The following COL22A1 variants were observed in gnomAD, a reference collection of about 807,000 sequenced individuals.
COL22A1 encodes the protein collagen alpha-1(XXII) chain.
In COL22A1, 221 loss-of-function variants were observed where a neutral mutation model predicts 248.9. That is an observed-to-expected ratio of 0.89 (90% CI 0.80 to 0.99). The LOEUF is 0.99. Ranked by LOEUF, COL22A1 falls within the 50% of genes least tolerant of loss-of-function variation. COL22A1 has a pLI of 0.00. For missense variants in COL22A1, 2,240 were observed against 2,179.0 expected (o/e 1.03, Z -0.56); for synonymous variants, 891 against 793.4 (o/e 1.12, Z -2.07).
chr8:138,902,739 T>TATATACACACACACACACACAC (rs763466994), intron 1 of COL22A1, among the ~76,000 whole-genome samples: 2 of 93,884 alleles, frequency 2.1e-5, no homozygotes, highest in African/African-American at 9.1e-5. Flanking sequence ...TATATATATA[T>TATATACACACACACACACACAC]ACACACACAC....
intron 16 of COL22A1, among the ~76,000 whole-genome samples, chr8:138,770,845 G>A (rs13340635): frequency 0.011 from 1,626 of 152,214 alleles, 20 homozygotes; most frequent in African/African-American, 0.035. Flanking sequence ...ACCTTCAGAG[G>A]TGCGGGCTCA....
intron 2 of COL22A1, among the ~76,000 whole-genome samples, chr8:138,882,364 TCA>T (rs964777224): frequency 5.4e-5 from 8 of 149,298 alleles, no homozygotes; most frequent in South Asian, 2.1e-4. Context: ...TCCCTTAAAC[TCA>T]CACACTCTCA....
intron 3 of COL22A1, among the ~76,000 whole-genome samples, chr8:138,852,157 G>C (rs1039032489): frequency 3.3e-5 from 5 of 152,134 alleles, no homozygotes; most frequent in African/African-American, 1.2e-4. Context: ...GTGAGATGAG[G>C]TAGAAGTGGC....
At chr8:138,752,429 G>T (rs1273822295) in intron 21 of COL22A1, among the ~76,000 whole-genome samples, 1 of 152,194 alleles carries the variant, frequency 6.6e-6, no homozygotes, top group Admixed American at 6.5e-5. Flanking sequence ...TACATCAAAG[G>T]TCCTTTCTCT....
intron 16 of COL22A1, among the ~76,000 whole-genome samples, chr8:138,773,778 A>G (rs1834590468): frequency 6.6e-6 from 1 of 152,182 alleles, no homozygotes; most frequent in Non-Finnish European, 1.5e-5. Context: ...TCCACCTCTG[A>G]CTGCACCCTC....
chr8:138,740,640 G>A (rs1784530530), intron 22 of COL22A1, among the ~76,000 whole-genome samples: 1 of 152,182 alleles, frequency 6.6e-6, no homozygotes, highest in African/African-American at 2.4e-5. Flanking sequence ...CAAGTAGGAG[G>A]CGCGTGGTAG....
rs1821919100 is a variant in COL22A1 at position 138,855,059 on chromosome 8, C to G, written c.659-10901G>C. ...CTTGCTGTGTGACCTTGCATGGCCT[C>G]CAGCATCCTTCTGAGTCTCAGCTTC... On this transcript the variant is annotated intron_variant, in intron 3 of 64. Coordinates refer to ENST00000303045, the MANE Select transcript of COL22A1 (RefSeq NM_152888.3). Among the ~76,000 whole-genome samples, 3 of 152,100 alleles carry G rather than the reference C, an allele frequency of 2.0e-5. No individual in the cohort carries two copies. The South Asian group carries it at 6.2e-4, about 32-fold the overall frequency.
intron 23 of COL22A1, among the ~76,000 whole-genome samples, chr8:138,729,933 C>T (rs1022443849): frequency 6.6e-6 from 1 of 152,156 alleles, no homozygotes; most frequent in Non-Finnish European, 1.5e-5. Context: ...TCTGACACAG[C>T]CTCAGGCCAG....
At chr8:138,636,431 A>T (rs1173700170) in intron 48 of COL22A1, among the ~76,000 whole-genome samples, 2 of 149,466 alleles carry the variant, frequency 1.3e-5, no homozygotes, top group African/African-American at 2.5e-5. Context: ...CATTTCAGTG[A>T]AAAAAAAAGT....
intron 16 of COL22A1, among the ~76,000 whole-genome samples, chr8:138,775,646 G>C (rs1814373614): frequency 6.6e-6 from 1 of 152,144 alleles, no homozygotes; most frequent in Non-Finnish European, 1.5e-5. Flanking sequence ...CTGGGACTTT[G>C]GAGTCCAATC....
At chr8:138,593,644 G>C (rs1564072677) in intron 63 of COL22A1, among the ~76,000 whole-genome samples, 5 of 152,060 alleles carry the variant, frequency 3.3e-5, no homozygotes, top group African/African-American at 4.8e-5. Flanking sequence ...CAGCTGTTTT[G>C]TTCCAATTTT....
rs778102065 is a variant in COL22A1, at chr8:138,877,957, C to T, written c.451G>A (p.Asp151Asn). The change falls in exon 3 of 65, where the codon GAC becomes AAC. Residue 151 changes from aspartate to asparagine, a missense_variant. Physicochemically the swap from Asp to Asn is conservative, Grantham distance 23. Transcript: ENST00000303045. The part of the protein sequence containing the change: ...AYKQVAILLT[D>N]GRSQDLVLDA... ...AGCACCAGGTCCTGGCTGCGGCCGTCGGTGAGCAGGATGGCCACCTGCTTG... is the reference window on the plus strand; with the variant it reads ...AGCACCAGGTCCTGGCTGCGGCCGTTGGTGAGCAGGATGGCCACCTGCTTG... The T allele has an allele frequency of 5.0e-6, 8 of 1,594,496 alleles. No individual in the cohort carries two copies. Among genetic ancestry groups the T allele is most frequent in the Non-Finnish European group, 6.8e-6 (8 of 1,170,322 alleles).
At chr8:138,810,620 G>A (rs999408998) in intron 9 of COL22A1, among the ~76,000 whole-genome samples, 2 of 152,160 alleles carry the variant, frequency 1.3e-5, no homozygotes, top group African/African-American at 4.8e-5. Flanking sequence ...TGGGCCTCCA[G>A]CAAGGGAGGC....
intron 18 of COL22A1, 38 bp from the exon 19 acceptor site, chr8:138,755,867 G>A (rs751583270): frequency 5.0e-6 from 8 of 1,593,268 alleles, no homozygotes; most frequent in Non-Finnish European, 2.6e-6. Flanking sequence ...ATAGTTACTG[G>A]TGCCACCTTC....
intron 7 of COL22A1, among the ~76,000 whole-genome samples, chr8:138,819,394 G>T (rs1249546965): frequency 6.6e-6 from 1 of 151,776 alleles, no homozygotes; most frequent in South Asian, 2.1e-4. Flanking sequence ...TCACCAAAGG[G>T]GGACGTGGGA....
chr8:138,895,733 C>T (rs753050850), intron 1 of COL22A1, among the ~76,000 whole-genome samples: 7 of 152,070 alleles, frequency 4.6e-5, no homozygotes, highest in Non-Finnish European at 8.8e-5. Context: ...AGAAAGAGTA[C>T]GGAGCTCAAA....
chr8:138,679,261 C>T (rs925661341), intron 40 of COL22A1, among the ~76,000 whole-genome samples: 1 of 152,138 alleles, frequency 6.6e-6, no homozygotes, highest in Non-Finnish European at 1.5e-5. Context: ...TTTGGTTTTG[C>T]TTTAAAAATC....
chr8:138,601,347 GGGA>G (rs1817990923), intron 60 of COL22A1, among the ~76,000 whole-genome samples: 1 of 152,110 alleles, frequency 6.6e-6, no homozygotes, highest in South Asian at 2.1e-4. Context: ...CTCTGGCTGT[GGGA>G]GAAGCCAGCC....
chr8:138,805,422 G>A (rs1363985941), intron 10 of COL22A1, among the ~76,000 whole-genome samples: 2 of 122,620 alleles, frequency 1.6e-5, no homozygotes, highest in East Asian at 4.4e-4. Context: ...TAAAGGTTGT[G>A]TATGGTGGTG....
Sources: gnomAD v4.1 joint callset for allele counts (sites outside exome capture counted in the v4.1 genomes callset) on GRCh38, gnomAD v4.1.1 for gene constraint, MANE v1.5 for transcripts, NCBI Gene and HGNC (gene_info 2026-07-23, HGNC 2026-07-21) for gene names.